The following ADAMTSL1 variants were observed in gnomAD, a reference collection of about 807,000 sequenced individuals.
ADAMTSL1 encodes ADAMTS-like protein 1.
In ADAMTSL1, 126 loss-of-function variants were observed where a neutral mutation model predicts 201.8. The observed-to-expected ratio is 0.62, with a 90% CI of 0.54 to 0.72. The LOEUF (loss-of-function observed/expected upper bound fraction) is 0.72. ADAMTSL1 is among the 30% of genes least tolerant of loss of function. The pLI is 0.00. For missense variants in ADAMTSL1, 2,679 were observed against 2,277.8 expected (o/e 1.18, Z -3.59); for synonymous variants, 1,121 against 903.4 (o/e 1.24, Z -4.32).
At chr9:18,409,407 AAAAG>A (rs1173509019) in intron 2 of ADAMTSL1, among the ~76,000 whole-genome samples, 1 of 151,126 alleles carries the variant, frequency 6.6e-6, no homozygotes, top group Non-Finnish European at 1.5e-5. Context: ...AAAAAAAAGA[AAAAG>A]AAAAGAAAAA....
At chr9:18,099,851 C>A (rs1418696210) in intron 1 of ADAMTSL1, among the ~76,000 whole-genome samples, 1 of 152,038 alleles carries the variant, frequency 6.6e-6, no homozygotes, top group Non-Finnish European at 1.5e-5. Flanking sequence ...TGGTCTCGAT[C>A]TCCTGACCTC....
chr9:18,701,212 C>CTTT (rs35537367), intron 13 of ADAMTSL1, among the ~76,000 whole-genome samples: 43 of 87,662 alleles, frequency 4.9e-4, no homozygotes, highest in African/African-American at 6.1e-4. Flanking sequence ...CTTTTGGGTT[C>CTTT]TTTTTTTTTT....
At position 18,656,135 on chromosome 9, in the gene ADAMTSL1, C is replaced by G. The variant is rs569685538; in HGVS notation, c.835-1504C>G. 4.6e-5 allele frequency among the ~76,000 whole-genome samples: 7 copies of G among 152,148 alleles called. No individual in the cohort carries two copies. In the South Asian group the frequency reaches 1.5e-3, roughly 32 times the overall value. On this transcript the variant is annotated intron_variant, in intron 7 of 28. Transcript: ENST00000380548. ...ACTTTCTGAGAAACATTTCCATATT[C>G]CCATCTAAACTCCAAAAACTGATGT...
chr9:18,565,564 T>A lies in ADAMTSL1; in HGVS notation c.238-8466T>A, dbSNP rs1821831819. Among the ~76,000 whole-genome samples, 6 of 138,106 alleles carry A rather than the reference T, an allele frequency of 4.3e-5. No individual in the cohort carries two copies. The South Asian group carries it at 1.1e-3, about 25-fold the overall frequency. The allele number at this position is 138,106 out of a possible 152,430, so 90.6% of individuals were successfully genotyped here. ...GGTGCCCTAAGCCATTTAATCCTAG[T>A]TATGAAAAAAAAAAAAAAAAAGCCT... On this transcript the variant is annotated intron_variant, in intron 3 of 28. Transcript: ENST00000380548.
chr9:17,950,957 G>A (rs1430940171), intron 1 of ADAMTSL1, among the ~76,000 whole-genome samples: 2 of 152,126 alleles, frequency 1.3e-5, no homozygotes, highest in Non-Finnish European at 2.9e-5. Flanking sequence ...TTGACCCAGG[G>A]TTATTGTTTC....
intron 1 of ADAMTSL1, among the ~76,000 whole-genome samples, chr9:17,948,214 C>T (rs1239287503): frequency 6.6e-6 from 1 of 152,130 alleles, no homozygotes; most frequent in Admixed American, 6.6e-5. Flanking sequence ...CATAGCTTTC[C>T]GCCACAATAT....
At chr9:17,974,658 C>T (rs1818366102) in intron 1 of ADAMTSL1, among the ~76,000 whole-genome samples, 1 of 151,968 alleles carries the variant, frequency 6.6e-6, no homozygotes, top group South Asian at 2.1e-4. Context: ...GCATAGTGTC[C>T]TCCAGATTCA....
chr9:18,677,700 C>G (rs1053403363), intron 10 of ADAMTSL1, among the ~76,000 whole-genome samples: 9 of 152,014 alleles, frequency 5.9e-5, no homozygotes, highest in Admixed American at 1.3e-4. Flanking sequence ...CTCCAAATGC[C>G]TAAATCCCAA....
chr9:18,589,762 A>G (rs934468564), intron 4 of ADAMTSL1, among the ~76,000 whole-genome samples: 3 of 152,026 alleles, frequency 2.0e-5, no homozygotes, highest in Non-Finnish European at 4.4e-5. Flanking sequence ...CAATTTGTTG[A>G]GGGTTTTTGT....
rs889759221 is a variant in ADAMTSL1 at position 18,515,491 on chromosome 9, T to C, written c.191+10535T>C. On this transcript the variant is annotated intron_variant, in intron 2 of 28. Coordinates refer to ENST00000380548, the MANE Select transcript of ADAMTSL1 (RefSeq NM_001040272.6). The stretch of plus-strand genomic sequence containing the variant: ...CTGGGACGACAGGCATGAGCAATCA[T>C]GCCTGGCTAATTTTTGTATTTTTTG... 6.6e-5 allele frequency among the ~76,000 whole-genome samples: 10 copies of C among 152,056 alleles called. No homozygotes were observed. The South Asian group carries it at 1.0e-3, about 16-fold the overall frequency.
intron 2 of ADAMTSL1, among the ~76,000 whole-genome samples, chr9:18,314,670 C>T (rs996668662): frequency 2.0e-5 from 3 of 150,622 alleles, no homozygotes; most frequent in Non-Finnish European, 4.4e-5. Context: ...TAAAGGCATG[C>T]GGACCGAAAG....
intron 1 of ADAMTSL1, among the ~76,000 whole-genome samples, chr9:18,058,417 G>T (rs1822292758): frequency 6.6e-6 from 1 of 152,118 alleles, no homozygotes; most frequent in Non-Finnish European, 1.5e-5. Context: ...TTTAGTCTTT[G>T]TCCTAATCAT....
chr9:18,111,609 T>C (rs575797785), intron 1 of ADAMTSL1, among the ~76,000 whole-genome samples: 18 of 152,322 alleles, frequency 1.2e-4, no homozygotes, highest in African/African-American at 4.3e-4. Context: ...CATTTAAAAA[T>C]ATGCACAAGA....
At chr9:18,387,153 A>C (rs554327126) in intron 2 of ADAMTSL1, among the ~76,000 whole-genome samples, 1 of 152,162 alleles carries the variant, frequency 6.6e-6, no homozygotes, top group South Asian at 2.1e-4. Flanking sequence ...TTAGGATATA[A>C]TATATAGAAA....
intron 24 of ADAMTSL1, 141 bp downstream of exon 24, chr9:18,888,184 A>G: frequency 1.2e-6 from 1 of 847,394 alleles, no homozygotes; most frequent in Non-Finnish European, 1.8e-6. Flanking sequence ...ATGTTTCCAT[A>G]CAGTGAGACC....
chr9:17,982,140 T>A (rs1818732888), intron 1 of ADAMTSL1, among the ~76,000 whole-genome samples: 2 of 152,214 alleles, frequency 1.3e-5, no homozygotes, highest in South Asian at 4.1e-4. Flanking sequence ...ATAGTTTTCC[T>A]CGACATTTCC....
intron 1 of ADAMTSL1, among the ~76,000 whole-genome samples, chr9:17,981,954 C>T (rs1818722658): frequency 6.6e-6 from 1 of 152,134 alleles, no homozygotes; most frequent in Admixed American, 6.5e-5. Context: ...CAAGGTCAAG[C>T]AACAAAATCT....
chr9:17,953,958 T>C (rs572472818), intron 1 of ADAMTSL1, among the ~76,000 whole-genome samples: 4 of 152,178 alleles, frequency 2.6e-5, no homozygotes, highest in Non-Finnish European at 5.9e-5. Context: ...TGTCTGGTTG[T>C]TGGTTGGGTT....
At chr9:17,944,493 G>C (rs1485609831) in intron 1 of ADAMTSL1, among the ~76,000 whole-genome samples, 1 of 152,036 alleles carries the variant, frequency 6.6e-6, no homozygotes, top group Non-Finnish European at 1.5e-5. Flanking sequence ...CCAAAAAAGA[G>C]CCCGCATCAT....
Sources: gnomAD v4.1 joint callset for allele counts (sites outside exome capture counted in the v4.1 genomes callset) on GRCh38, gnomAD v4.1.1 for gene constraint, MANE v1.5 for transcripts, NCBI Gene and HGNC (gene_info 2026-07-23, HGNC 2026-07-21) for gene names.